The following RAB4A variants were observed in gnomAD, a reference collection of about 807,000 sequenced individuals.
RAB4A encodes RAB4A, member RAS oncogene family, also known as ras-related protein Rab-4A.
RAB4A carries 20 observed loss-of-function variants against 34.5 expected under a neutral mutation model. The ratio of observed to expected loss-of-function variants is 0.58; its 90% CI spans 0.41 to 0.84. The LOEUF (loss-of-function observed/expected upper bound fraction) is 0.84. Ranked by LOEUF, RAB4A falls within the 40% of genes least tolerant of loss-of-function variation. RAB4A has a pLI of 0.00. For missense variants in RAB4A, 228 were observed against 274.5 expected (o/e 0.83, Z 1.20); for synonymous variants, 102 against 100.0 (o/e 1.02, Z -0.12).
At chr1:229,282,308 G>A (rs1656798303) in intron 1 of RAB4A, among the ~76,000 whole-genome samples, 1 of 152,072 alleles carries the variant, frequency 6.6e-6, no homozygotes, top group Non-Finnish European at 1.5e-5. Context: ...GCTGTTATTC[G>A]AATTGTATTT....
chr1:229,302,430 C>T (rs1251558975), intron 6 of RAB4A, among the ~76,000 whole-genome samples: 1 of 147,940 alleles, frequency 6.8e-6, no homozygotes, highest in Non-Finnish European at 1.5e-5. Context: ...CACATTTTCT[C>T]CTAGTGATGG....
At chr1:229,302,268 T>TAA (rs1657403700) in intron 6 of RAB4A, among the ~76,000 whole-genome samples, 1 of 9,044 alleles carries the variant, frequency 1.1e-4, no homozygotes, top group Non-Finnish European at 2.1e-4. Context: ...TATATATATA[T>TAA]ATATATATAT....
chr1:229,279,828 G>A (rs181920742), intron 1 of RAB4A, among the ~76,000 whole-genome samples: 77 of 141,864 alleles, frequency 5.4e-4, no homozygotes, highest in Admixed American at 6.1e-4. Flanking sequence ...ACCCTTATCA[G>A]GTGAATATAA....
At chr1:229,273,793 G>C (rs1656566937) in intron 1 of RAB4A, among the ~76,000 whole-genome samples, 1 of 152,166 alleles carries the variant, frequency 6.6e-6, no homozygotes, top group Admixed American at 6.5e-5. Context: ...AGTTTGCCAA[G>C]CTGAAGTAAA....
At chr1:229,303,253 C>T (rs1158141874) in intron 7 of RAB4A, among the ~76,000 whole-genome samples, 3 of 151,756 alleles carry the variant, frequency 2.0e-5, no homozygotes, top group African/African-American at 7.3e-5. Context: ...GTCCCAGCTA[C>T]TCATGAAACT....
At chr1:229,276,652 C>T (rs149750235) in intron 1 of RAB4A, among the ~76,000 whole-genome samples, 1 of 151,352 alleles carries the variant, frequency 6.6e-6, no homozygotes, top group East Asian at 1.9e-4. Flanking sequence ...TTAATTCTTC[C>T]CCATCCTTAC....
At chr1:229,285,377 A>C (rs237761) in intron 1 of RAB4A, among the ~76,000 whole-genome samples, 2,932 of 152,186 alleles carry the variant, frequency 0.019, 89 homozygotes, top group African/African-American at 0.066. Context: ...TAACCATGTG[A>C]ATATTATGAG....
intron 6 of RAB4A, among the ~76,000 whole-genome samples, chr1:229,300,681 C>T (rs1212681878): frequency 6.6e-6 from 1 of 151,772 alleles, no homozygotes; most frequent in Admixed American, 6.6e-5. Flanking sequence ...TGCAAATGTG[C>T]GGCCTTTGCG....
intron 2 of RAB4A, among the ~76,000 whole-genome samples, chr1:229,288,325 A>C (rs1350534078): frequency 6.6e-6 from 1 of 152,164 alleles, no homozygotes; most frequent in Non-Finnish European, 1.5e-5. Context: ...AGTAGTTGAA[A>C]CTGTCTCCAC....
intron 1 of RAB4A, among the ~76,000 whole-genome samples, chr1:229,277,934 A>G (rs1656691644): frequency 6.6e-6 from 1 of 151,172 alleles, no homozygotes; most frequent in African/African-American, 2.5e-5. Flanking sequence ...GCATTATCTC[A>G]GCTCACTGCA....
Position 229,286,533 on chromosome 1 carries a change from T to C in RAB4A, c.79T>C (p.Ser27Pro). The C allele has an allele frequency of 6.3e-7, 1 of 1,584,580 alleles. No homozygotes were observed. The highest frequency in any genetic ancestry group is 8.6e-7 in the Non-Finnish European group (1 of 1,166,608). Residue 27 changes from serine to proline, a missense_variant, in exon 2 of 8, where the codon TCT (serine) becomes CCT (proline). By Grantham distance (74) the Ser-to-Pro change is moderately conservative. Coordinates refer to ENST00000366690, the MANE Select transcript of RAB4A (RefSeq NM_004578.4). ...TATTGGAAATGCAGGAACTGGCAAA[T>C]CTTGCTTACTTCATCAGTTTATTGA... is the stretch of plus-strand genomic sequence containing the variant. ...LVIGNAGTGK[S>P]CLLHQFIEKK...
At position 229,302,276 on chromosome 1, in the gene RAB4A, TATATATATATATATA is replaced by T. The variant is rs1657408277; in HGVS notation, c.542-585_542-571del. On this transcript the variant is annotated intron_variant, in intron 6 of 7. Coordinates refer to ENST00000366690, the MANE Select transcript of RAB4A (RefSeq NM_004578.4). ...AAATAATTATATATATATATATATATATATATATATATATATATATATATATATATATATTTTTTT... is the reference window on the plus strand; with the variant it reads ...AAATAATTATATATATATATATATATTATATATATATATATATATTTTTTT... Among the ~76,000 whole-genome samples the T allele has an allele frequency of 2.6e-4, 7 of 27,012 alleles. 1 individual carries two copies. Among genetic ancestry groups the T allele is most frequent in the African/African-American group, 4.9e-4 (3 of 6,126 alleles). 17.7% of individuals were successfully genotyped at this position (27,012 alleles called of 152,430 possible). A position where few individuals can be genotyped will look rare whatever the true frequency, so the allele number is the denominator to read the frequency against.
intron 1 of RAB4A, among the ~76,000 whole-genome samples, chr1:229,274,263 G>C (rs2941076): frequency 0.25 from 36,520 of 148,546 alleles, 5,104 homozygotes; most frequent in African/African-American, 0.39. Context: ...CGAGGTCTCT[G>C]TCTGTTGCTC....
intron 6 of RAB4A, among the ~76,000 whole-genome samples, chr1:229,301,513 A>G (rs925484793): frequency 6.6e-6 from 1 of 152,220 alleles, no homozygotes; most frequent in Non-Finnish European, 1.5e-5. Context: ...ACTGTTGAGT[A>G]TTATTAAGCT....
chr1:229,281,748 T>A (rs1656782279), intron 1 of RAB4A, among the ~76,000 whole-genome samples: 1 of 151,102 alleles, frequency 6.6e-6, no homozygotes, highest in African/African-American at 2.4e-5. Context: ...CTGTGGAATG[T>A]ATCTCTGCTC....
At chr1:229,298,040 T>C (rs1657291836) in intron 5 of RAB4A, among the ~76,000 whole-genome samples, 1 of 152,216 alleles carries the variant, frequency 6.6e-6, no homozygotes, top group South Asian at 2.1e-4. Flanking sequence ...AATACTTGGC[T>C]TTTTGGCTTC....
At chr1:229,296,045 C>A in intron 4 of RAB4A, 135 bp downstream of exon 4, 1 of 777,662 alleles carries the variant, frequency 1.3e-6, no homozygotes. Context: ...TCCAGGAAGC[C>A]CCTTAGCCCT....
chr1:229,275,077 A>G (rs904561153), intron 1 of RAB4A, among the ~76,000 whole-genome samples: 34 of 152,302 alleles, frequency 2.2e-4, no homozygotes, highest in African/African-American at 7.5e-4. Context: ...GTTCCCCAAA[A>G]TATCTGTTTA....
chr1:229,271,793 A>T (rs2102828750), intron 1 of RAB4A, among the ~76,000 whole-genome samples: 1 of 152,248 alleles, frequency 6.6e-6, no homozygotes, highest in East Asian at 1.9e-4. Context: ...CAAATACTTC[A>T]GTTTGACCTT....
Sources: allele counts gnomAD v4.1 joint callset (sites outside exome capture counted in the v4.1 genomes callset), GRCh38; gene constraint gnomAD v4.1.1; transcripts MANE v1.5; gene names NCBI Gene and HGNC (gene_info 2026-07-23, HGNC 2026-07-21).